Variants in PLEKHG1 observed in about 807,000 individuals in gnomAD.
The protein encoded by PLEKHG1 is pleckstrin homology domain-containing family G member 1.
PLEKHG1 carries 44 observed loss-of-function variants against 100.8 expected under a neutral mutation model. The observed-to-expected ratio is 0.44, with a 90% CI of 0.34 to 0.56. The LOEUF (loss-of-function observed/expected upper bound fraction) is 0.56, where lower values mean the gene tolerates loss of function less well. Ranked by LOEUF, PLEKHG1 falls within the 20% of genes least tolerant of loss-of-function variation. PLEKHG1 has a pLI of 0.01. For missense variants in PLEKHG1, 1,545 were observed against 1,720.9 expected, an observed-to-expected ratio of 0.90 and a Z score of 1.81; for synonymous variants, 640 against 662.5, an observed-to-expected ratio of 0.97 and a Z score of 0.52.
At chr6:150,653,051 A>G (rs981034917) in intron 3 of PLEKHG1, among the ~76,000 whole-genome samples, 2 of 152,220 alleles carry the variant, frequency 1.3e-5, no homozygotes, top group African/African-American at 4.8e-5. Context: ...CTGGCAAGAA[A>G]GTCCCAGAAG....
intron 10 of PLEKHG1, among the ~76,000 whole-genome samples, 157 bp downstream of exon 11, chr6:150,809,891 C>CAAAAAA (rs201618525): frequency 7.4e-6 from 1 of 135,776 alleles, no homozygotes; most frequent in African/African-American, 2.7e-5. Flanking sequence ...GAGACTGGGT[C>CAAAAAA]AAAAAAAAAA....
intron 1 of PLEKHG1, among the ~76,000 whole-genome samples, chr6:150,729,551 G>A (rs1562467485): frequency 6.6e-6 from 1 of 152,204 alleles, no homozygotes; most frequent in Non-Finnish European, 1.5e-5. Flanking sequence ...ATTTTCCTAC[G>A]TGAGGAAACT....
Position 150,703,586 on chromosome 6 carries a change from G to T in PLEKHG1, c.-98-29998G>T, listed in dbSNP as rs193222511. ...ACTGCACTCTTGCCTGGGCGACAGA[G>T]CAAGACTCCATCTTAAAAAAAAAAA... On this transcript the variant is annotated intron_variant, in intron 3 of 3. Coordinates refer to the PLEKHG1 transcript ENST00000367326. Among the ~76,000 whole-genome samples the T allele has an allele frequency of 3.4e-3, 495 of 144,796 alleles. 2 individuals carry two copies. Among genetic ancestry groups the T allele is most frequent in the African/African-American group, 0.013 (485 of 36,492 alleles). The allele number at this position is 144,796 out of a possible 152,430, so 95.0% of individuals were successfully genotyped here.
At chr6:150,676,675 G>A (rs1779766580) in intron 3 of PLEKHG1, among the ~76,000 whole-genome samples, 2 of 152,152 alleles carry the variant, frequency 1.3e-5, no homozygotes, top group Non-Finnish European at 2.9e-5. Context: ...AGGTGAAGCT[G>A]GTGCAACTTA....
intron 2 of PLEKHG1, 115 bp from the exon 4 acceptor site, chr6:150,768,523 G>T: frequency 1.5e-6 from 1 of 657,988 alleles, no homozygotes; most frequent in South Asian, 1.8e-5. Context: ...CAGAGTTAAT[G>T]AGCACACTAG....
intron 1 of PLEKHG1, among the ~76,000 whole-genome samples, chr6:150,636,838 A>G (rs1256103637): frequency 6.6e-6 from 1 of 152,224 alleles, no homozygotes; most frequent in African/African-American, 2.4e-5. Flanking sequence ...CCTCAAGTAC[A>G]GTCACTGCTA....
chr6:150,708,792 G>A (rs1661408913), intron 3 of PLEKHG1, among the ~76,000 whole-genome samples: 1 of 152,204 alleles, frequency 6.6e-6, no homozygotes, highest in African/African-American at 2.4e-5. Flanking sequence ...TATGGCAGGT[G>A]CTTATTTGGG....
In PLEKHG1 at chr6:150,831,694, T is replaced by C; in HGVS notation, c.2583T>C (p.Phe861=). ...CCAGAGACCGTCTCCTGGCAGCGTT[T>C]CCTGTGAGCAAGGATGATGTGCCAG... The change falls in exon 15 of 16, where the codon TTT becomes TTC. Residue 861 remains phenylalanine (F), a synonymous_variant. Coordinates refer to ENST00000358517, the Ensembl canonical transcript of PLEKHG1. The surrounding 1 kb of genome is among the most constrained non-coding windows in gnomAD (Gnocchi z 4.1). 6.2e-7 allele frequency: 1 copy of C among 1,613,024 alleles called. No homozygotes were observed. The highest frequency in any genetic ancestry group is 8.5e-7 in the Non-Finnish European group (1 of 1,180,014).
chr6:150,814,044 G>T (rs1787710007), intron 10 of PLEKHG1, among the ~76,000 whole-genome samples: 1 of 152,236 alleles, frequency 6.6e-6, no homozygotes, highest in African/African-American at 2.4e-5. Flanking sequence ...TGCCAGCAAT[G>T]ATTTGGTCCT....
chr6:150,697,490 G>A (rs1011673365), intron 3 of PLEKHG1, among the ~76,000 whole-genome samples: 4 of 152,176 alleles, frequency 2.6e-5, no homozygotes, highest in African/African-American at 9.7e-5. Flanking sequence ...AAGTAAGTCG[G>A]GTGCCTGGGA....
chr6:150,600,445 A>G lies in PLEKHG1; in HGVS notation c.-204+428A>G, dbSNP rs1273211626. On this transcript the variant is annotated intron_variant, in intron 1 of 3. Transcript: ENST00000367326. The surrounding 1 kb of genome is among the most constrained non-coding windows in gnomAD (Gnocchi z 6.2). ...GCTTCCCCACCCCCGACTCAGCAGG[A>G]CAGCCCCAGAACGGGACCCCACAGC... Among the ~76,000 whole-genome samples the G allele has an allele frequency of 6.6e-6, 1 of 151,946 alleles. No individual in the cohort carries two copies. Among genetic ancestry groups the G allele is most frequent in the East Asian group, 2.0e-4 (1 of 5,120 alleles).
intron 2 of PLEKHG1, among the ~76,000 whole-genome samples, chr6:150,765,053 G>C (rs139562950): frequency 1.3e-5 from 2 of 152,154 alleles, no homozygotes; most frequent in East Asian, 1.9e-4. Context: ...ATGTTAATGT[G>C]CTTTTAAACT....
rs150830683 is a variant in PLEKHG1 at position 150,840,209 on chromosome 6, G to T, written c.3471G>T (p.Trp1157Cys). 1,921 of 1,614,194 alleles carry T rather than the reference G, an allele frequency of 1.2e-3. 21 individuals are homozygous for T. The African/African-American group carries it at 0.023, about 19-fold the overall frequency. The change falls in exon 16 of 16, where the codon TGG (tryptophan) becomes TGT (cysteine). Residue 1157 changes from tryptophan (W) to cysteine (C), a missense_variant. Coordinates refer to ENST00000358517, the Ensembl canonical transcript of PLEKHG1. ...TAAGTCAGCCCAACAAAGAGAACTG[G>T]TGTCAGGACCATCTTTACAACTCCT...
intron 15 of PLEKHG1, among the ~76,000 whole-genome samples, chr6:150,835,822 T>G (rs1777194673): frequency 6.6e-6 from 1 of 152,188 alleles, no homozygotes; most frequent in Admixed American, 6.6e-5. Context: ...GATCAGCAGG[T>G]GCAGTGACTC....
At chr6:150,671,816 G>A (rs1291688041) in intron 3 of PLEKHG1, among the ~76,000 whole-genome samples, 4 of 152,198 alleles carry the variant, frequency 2.6e-5, no homozygotes. Context: ...AGTGAGGCTG[G>A]AGGCAGTGAG....
intron 3 of PLEKHG1, chr6:150,652,164 G>A (rs1778772106): frequency 6.6e-6 from 1 of 152,056 alleles, no homozygotes; most frequent in African/African-American, 2.4e-5. Context: ...GTTGGTTCTT[G>A]AAAAACCACA....
At chr6:150,611,673 A>T (rs1009706288) in intron 1 of PLEKHG1, among the ~76,000 whole-genome samples, 65 of 152,054 alleles carry the variant, frequency 4.3e-4, no homozygotes, top group African/African-American at 1.4e-3. Flanking sequence ...TTAGCCGGGC[A>T]TGGTGGTGGG....
At chr6:150,731,604 G>A (rs928140298) in intron 1 of PLEKHG1, among the ~76,000 whole-genome samples, 8 of 152,120 alleles carry the variant, frequency 5.3e-5, no homozygotes, top group Admixed American at 1.3e-4. Flanking sequence ...TCATTACTAT[G>A]TATTCTTTTT....
intron 3 of PLEKHG1, among the ~76,000 whole-genome samples, chr6:150,671,930 T>G (rs1779598699): frequency 6.6e-6 from 1 of 152,102 alleles, no homozygotes; most frequent in South Asian, 2.1e-4. Context: ...TGGGACTATA[T>G]TTATAGGTTT....
Sources: gnomAD v4.1 joint callset for allele counts (sites outside exome capture counted in the v4.1 genomes callset) on GRCh38, gnomAD v4.1.1 for gene constraint, Gnocchi (gnomAD v3.1) non-coding constraint, MANE v1.5 for transcripts, NCBI Gene and HGNC (gene_info 2026-07-23, HGNC 2026-07-21) for gene names.